The following LRMDA variants were observed in gnomAD, a reference collection of about 807,000 sequenced individuals.
LRMDA encodes the protein leucine rich melanocyte differentiation associated, also known as leucine-rich melanocyte differentiation-associated protein.
LRMDA carries 18 observed loss-of-function variants against 29.8 expected under a neutral mutation model. That is an observed-to-expected ratio of 0.60 (90% CI 0.42 to 0.90). The LOEUF is 0.90. Among genes scored for constraint, LRMDA ranks in the 40% least tolerant of loss-of-function variants. LRMDA has a pLI of 0.00. For missense variants in LRMDA, 273 were observed against 273.9 expected, an observed-to-expected ratio of 1.00 and a Z score of 0.02; for synonymous variants, 125 against 109.4, an observed-to-expected ratio of 1.14 and a Z score of -0.89.
intron 2 of LRMDA, among the ~76,000 whole-genome samples, chr10:75,919,436 C>A (rs1047529826): frequency 2.0e-5 from 3 of 152,088 alleles, no homozygotes; most frequent in Admixed American, 2.0e-4. Flanking sequence ...CATGCAGGTG[C>A]AATTGGAGCA....
At chr10:75,512,887 T>A (rs1267943395) in intron 2 of LRMDA, among the ~76,000 whole-genome samples, 1 of 152,196 alleles carries the variant, frequency 6.6e-6, no homozygotes, top group African/African-American at 2.4e-5. Flanking sequence ...TTTACCCTAC[T>A]TGTTAAACAA....
chr10:75,697,850 T>TGTGTGTGTGTGCGCGCGCGC (rs10664076), intron 2 of LRMDA, among the ~76,000 whole-genome samples: 1 of 151,586 alleles, frequency 6.6e-6, no homozygotes, highest in African/African-American at 2.4e-5. Flanking sequence ...TGTGTGTGTG[T>TGTGTGTGTGTGCGCGCGCGC]GCGTGTGTGT....
intron 2 of LRMDA, among the ~76,000 whole-genome samples, chr10:75,826,821 CTCT>C (rs1844254098): frequency 6.6e-6 from 1 of 152,186 alleles, no homozygotes; most frequent in South Asian, 2.1e-4. Flanking sequence ...TGTCTGACAT[CTCT>C]AAGCTCTTTA....
At chr10:75,684,518 A>C (rs547683944) in intron 2 of LRMDA, among the ~76,000 whole-genome samples, 2 of 152,212 alleles carry the variant, frequency 1.3e-5, no homozygotes, top group Admixed American at 6.5e-5. Flanking sequence ...TAAATATAAA[A>C]AGTAGCAGTT....
chr10:76,506,289 TATA>T (rs986101101), intron 6 of LRMDA, among the ~76,000 whole-genome samples: 1 of 152,196 alleles, frequency 6.6e-6, no homozygotes, highest in African/African-American at 2.4e-5. Flanking sequence ...GCCAATTTAA[TATA>T]ATGTCCTTTT....
chr10:76,214,772 T>C (rs1162533626), intron 5 of LRMDA, among the ~76,000 whole-genome samples: 1 of 152,216 alleles, frequency 6.6e-6, no homozygotes, highest in Non-Finnish European at 1.5e-5. Flanking sequence ...CTGAAATCTC[T>C]GAGGAAAACA....
At chr10:76,089,882 G>C (rs1166850140) in intron 5 of LRMDA, among the ~76,000 whole-genome samples, 1 of 152,212 alleles carries the variant, frequency 6.6e-6, no homozygotes, top group African/African-American at 2.4e-5. Context: ...GAATGTTAAT[G>C]CATCTTTCCC....
intron 2 of LRMDA, among the ~76,000 whole-genome samples, chr10:75,608,752 G>A (rs980163050): frequency 3.9e-5 from 6 of 152,168 alleles, no homozygotes; most frequent in Non-Finnish European, 8.8e-5. Flanking sequence ...GAAGTGGGGG[G>A]CATAACCCTT....
intron 3 of LRMDA, among the ~76,000 whole-genome samples, chr10:76,046,236 C>T (rs1187324714): frequency 2.0e-5 from 3 of 152,136 alleles, no homozygotes. Context: ...TGGCTTAAGC[C>T]AGGAGTTAGT....
intron 2 of LRMDA, among the ~76,000 whole-genome samples, chr10:75,526,009 C>T (rs1470069768): frequency 6.6e-6 from 1 of 151,344 alleles, no homozygotes; most frequent in Non-Finnish European, 1.5e-5. Context: ...TTTCTATCAC[C>T]CCTGGTAAAT....
At chr10:76,136,729 T>G (rs1850102621) in intron 5 of LRMDA, among the ~76,000 whole-genome samples, 1 of 152,232 alleles carries the variant, frequency 6.6e-6, no homozygotes, top group African/African-American at 2.4e-5. Context: ...CTTTTTGTTC[T>G]TAAACTTTCT....
intron 5 of LRMDA, among the ~76,000 whole-genome samples, chr10:76,121,171 CAAG>C (rs1438267487): frequency 6.6e-6 from 1 of 151,540 alleles, no homozygotes; most frequent in Non-Finnish European, 1.5e-5. Flanking sequence ...CTAGTATCTT[CAAG>C]AAGGAGGAGG....
rs12247632 is a variant in LRMDA at position 75,680,999 on chromosome 10, A to G, written c.131+242505A>G. ...AGTTCCTGTCTTTTTAGCATATTAA[A>G]TACGTTGTTAATGAAATTGGAACTT... On this transcript the variant is annotated intron_variant, in intron 2 of 6. Coordinates refer to ENST00000611255, the MANE Select transcript of LRMDA (RefSeq NM_001305581.2). 8.0e-3 allele frequency among the ~76,000 whole-genome samples: 1,220 copies of G among 152,280 alleles called. 25 individuals are homozygous for G. The highest frequency in any genetic ancestry group is 0.028 in the African/African-American group (1,150 of 41,562).
intron 2 of LRMDA, among the ~76,000 whole-genome samples, chr10:75,906,827 C>G (rs1327395205): frequency 6.6e-6 from 1 of 152,176 alleles, no homozygotes; most frequent in Non-Finnish European, 1.5e-5. Flanking sequence ...TGCTTTACTT[C>G]TCTAGCAAAG....
At chr10:75,864,801 A>G (rs560489127) in intron 2 of LRMDA, among the ~76,000 whole-genome samples, 16 of 152,266 alleles carry the variant, frequency 1.1e-4, no homozygotes, top group Admixed American at 2.0e-4. Context: ...GCTCTTTAGC[A>G]GAATTAATGA....
chr10:76,394,175 G>A (rs970771886), intron 6 of LRMDA, among the ~76,000 whole-genome samples: 1 of 152,098 alleles, frequency 6.6e-6, no homozygotes, highest in Non-Finnish European at 1.5e-5. Context: ...ATTTAAAAAG[G>A]CATTCTCAGA....
At chr10:76,271,399 C>T (rs1399174612) in intron 5 of LRMDA, among the ~76,000 whole-genome samples, 3 of 151,368 alleles carry the variant, frequency 2.0e-5, no homozygotes, top group Non-Finnish European at 4.4e-5. Context: ...CAGAGTTAGA[C>T]CCTGTCTTGG....
intron 2 of LRMDA, among the ~76,000 whole-genome samples, chr10:75,765,970 G>A (rs577330801): frequency 3.3e-5 from 5 of 152,268 alleles, no homozygotes; most frequent in South Asian, 2.1e-4. Context: ...CTCAGAATCC[G>A]TTATGTGAGG....
intron 6 of LRMDA, among the ~76,000 whole-genome samples, chr10:76,359,800 A>G (rs1393138090): frequency 2.0e-5 from 3 of 152,182 alleles, no homozygotes; most frequent in Non-Finnish European, 2.9e-5. Flanking sequence ...GCGGCTTTTG[A>G]AAGTCTATGA....
Sources: allele counts gnomAD v4.1 joint callset (sites outside exome capture counted in the v4.1 genomes callset), GRCh38; gene constraint gnomAD v4.1.1; transcripts MANE v1.5; gene names NCBI Gene and HGNC (gene_info 2026-07-23, HGNC 2026-07-21).